The following TLN1 variants were observed in gnomAD, a reference collection of about 807,000 sequenced individuals.
TLN1 encodes talin 1.
Under a neutral mutation model 292.3 loss-of-function variants are expected in TLN1, and 56 were observed. The ratio of observed to expected loss-of-function variants is 0.19; its 90% CI spans 0.15 to 0.24. The LOEUF (loss-of-function observed/expected upper bound fraction) is 0.24. TLN1 is among the 10% of genes least tolerant of loss of function. The probability of loss-of-function intolerance (pLI) is 1.00; values close to 1 mark genes in which losing one functional copy is unlikely to be tolerated. For missense variants in TLN1, 2,433 were observed against 3,248.2 expected, an observed-to-expected ratio of 0.75 and a Z score of 6.10; for synonymous variants, 1,119 against 1,253.7, an observed-to-expected ratio of 0.89 and a Z score of 2.27.
In TLN1 at chr9:35,714,524, T is replaced by A. The variant is rs1313363183; in HGVS notation, c.2985+50A>T. ...GATTCAAACTGTGGGAGATGGAAGC[T>A]TAGAAAGGTGGGAAGGTCAGGTCAG... On this transcript the variant is annotated intron_variant, in intron 23 of 56. Coordinates refer to ENST00000314888, the MANE Select transcript of TLN1 (RefSeq NM_006289.4). The surrounding 1 kb of genome is among the most constrained non-coding windows in gnomAD (Gnocchi z 4.6). 3 of 1,595,614 alleles carry A rather than the reference T, an allele frequency of 1.9e-6. No individual in the cohort carries two copies. The highest frequency in any genetic ancestry group is 2.6e-6 in the Non-Finnish European group (3 of 1,175,602).
intron 1 of TLN1, among the ~76,000 whole-genome samples, chr9:35,726,883 T>C (rs1399072720): frequency 2.0e-5 from 3 of 152,220 alleles, no homozygotes; most frequent in Non-Finnish European, 2.9e-5. Context: ...ACTCAGTCCT[T>C]GCTTGTTCCA....
chr9:35,699,007 G>A lies in TLN1; in HGVS notation c.6999+25C>T, dbSNP rs755267372. 1 of 1,608,484 alleles carries A rather than the reference G, an allele frequency of 6.2e-7. No homozygotes were observed. The highest frequency in any genetic ancestry group is 8.5e-7 in the Non-Finnish European group (1 of 1,175,366). On this transcript the variant is annotated intron_variant, in intron 52 of 56. Coordinates refer to ENST00000314888, the MANE Select transcript of TLN1 (RefSeq NM_006289.4). This position sits in a 1 kb window ranked among gnomAD's most constrained non-coding sequence, Gnocchi z 4.0. ...GTGGGGACACTGCCATGGTGAGGGT[G>A]GAAGAGGAAGGGAGCAGGACTGACC...
At position 35,707,567 on chromosome 9, in the gene TLN1, T is replaced by TA; in HGVS notation, c.4633-80_4633-79insT. ...GGAAGTGAAGTCCAGGTCTCCTTCC[T>TA]GGGACTTACAGGATTTGGGGAGAGG... On this transcript the variant is annotated intron_variant, in intron 35 of 56. Transcript: ENST00000314888. The surrounding 1 kb of genome is among the most constrained non-coding windows in gnomAD (Gnocchi z 5.6). The TA allele has an allele frequency of 6.3e-7, 1 of 1,584,730 alleles. No homozygotes were observed. The highest frequency in any genetic ancestry group is 8.6e-7 in the Non-Finnish European group (1 of 1,161,906).
At position 35,724,427 on chromosome 9, in the gene TLN1, T is replaced by C; in HGVS notation, c.512-93A>G. 1.9e-6 allele frequency: 3 copies of C among 1,581,036 alleles called. No homozygotes were observed. In the South Asian group the frequency reaches 3.4e-5, roughly 18 times the overall value. ...TTCTGCATTTCCTACCTCCCCTCAC[T>C]TAAATGTAAGTCCCATGAGTGTAGG... is the stretch of plus-strand genomic sequence containing the variant. On this transcript the variant is annotated intron_variant, in intron 5 of 56. Coordinates refer to ENST00000314888, the MANE Select transcript of TLN1 (RefSeq NM_006289.4). This position sits in a 1 kb window ranked among gnomAD's most constrained non-coding sequence, Gnocchi z 4.7.
chr9:35,704,212 C>T lies in TLN1; in HGVS notation c.6048-38G>A, dbSNP rs377150896. Reference sequence around the variant, plus strand: ...CCAGCTTAGTCAGATCTCCCCTACCCGCTCCAGCCCGTCCAAGGTGCCTGG... The same window carrying T: ...CCAGCTTAGTCAGATCTCCCCTACCTGCTCCAGCCCGTCCAAGGTGCCTGG... On this transcript the variant is annotated intron_variant, in intron 45 of 56. Coordinates refer to ENST00000314888, the MANE Select transcript of TLN1 (RefSeq NM_006289.4). The surrounding 1 kb of genome is among the most constrained non-coding windows in gnomAD (Gnocchi z 6.9). 3.6e-5 allele frequency: 56 copies of T among 1,569,276 alleles called. 1 individual carries two copies. The highest frequency in any genetic ancestry group is 9.6e-5 in the South Asian group (8 of 83,712).
rs1825869334 is a variant in TLN1 at position 35,720,858 on chromosome 9, T to C, written c.1160A>G (p.Gln387Arg). 3.1e-6 allele frequency: 5 copies of C among 1,614,196 alleles called. No individual in the cohort carries two copies. The highest frequency in any genetic ancestry group is 3.4e-6 in the Non-Finnish European group (4 of 1,180,024). ...YYSVQTTEGE[Q>R]IAQLIAGYID... ...GTAGCCGGCAATGAGCTGTGCAATCTGCTCCCCTTCAGTTGTCTGTACTGA... is the reference window on the plus strand; with the variant it reads ...GTAGCCGGCAATGAGCTGTGCAATCCGCTCCCCTTCAGTTGTCTGTACTGA... The change falls in exon 11 of 57, where the codon CAG becomes CGG. Residue 387 changes from glutamine to arginine, a missense_variant. Transcript: ENST00000314888.
chr9:35,710,720 T>C lies in TLN1; in HGVS notation c.4204-37A>G, dbSNP rs148008785. 8.5e-4 allele frequency: 1,375 copies of C among 1,613,338 alleles called. 9 individuals carry two copies. In the African/African-American group the frequency reaches 0.015, roughly 18 times the overall value. On this transcript the variant is annotated intron_variant, in intron 32 of 56. Transcript: ENST00000314888. ...AGGACATCAGGGGAGTCAGAGCATG[T>C]CCTCAGAACCCCAGGGCAGCATCTG...
Position 35,725,236 on chromosome 9 carries a change from C to T in TLN1, c.216G>A (p.Met72Ile), listed in dbSNP as rs760233959. The T allele has an allele frequency of 6.2e-7, 1 of 1,614,124 alleles. No individual in the cohort carries two copies. Among genetic ancestry groups the T allele is most frequent in the East Asian group, 2.2e-5 (1 of 44,882 alleles). The change falls in exon 3 of 57, where the codon ATG (methionine) becomes ATA (isoleucine). Residue 72 changes from methionine (M) to isoleucine (I), a missense_variant. Physicochemically the swap from Met to Ile is conservative, Grantham distance 10 (BLOSUM62 1). Coordinates refer to ENST00000314888, the MANE Select transcript of TLN1 (RefSeq NM_006289.4). ...LEAGKALDYY[M>I]LRNGDTMEYR... Reference sequence around the variant, plus strand: ...AAAGGATACTTACCCCATTTCGGAGCATGTAGTAGTCCAAAGCTTTCCCAG... The same window carrying T: ...AAAGGATACTTACCCCATTTCGGAGTATGTAGTAGTCCAAAGCTTTCCCAG...
intron 43 of TLN1, 63 bp downstream of exon 43, chr9:35,705,488 C>T (rs1825547776): frequency 6.6e-7 from 1 of 1,511,950 alleles, no homozygotes; most frequent in Non-Finnish European, 8.8e-7. Flanking sequence ...GTGGGACAGC[C>T]CTAGACACTG....
At position 35,704,476 on chromosome 9, in the gene TLN1, A is replaced by C; in HGVS notation, c.5903T>G (p.Leu1968Arg). Residue 1968 changes from leucine to arginine, a missense_variant, in exon 45 of 57, where the codon CTC (leucine) becomes CGC (arginine). This residue lies in a region of TLN1 where 1,384 missense variants were observed against 1,699.6 expected (regional missense o/e 0.81). Coordinates refer to ENST00000314888, the MANE Select transcript of TLN1 (RefSeq NM_006289.4). This position sits in a 1 kb window ranked among gnomAD's most constrained non-coding sequence, Gnocchi z 6.9. Reference protein sequence around the residue: ...SEKVSHVLAALQAGNRGTQAC... With the variant: ...SEKVSHVLAARQAGNRGTQAC... The stretch of plus-strand genomic sequence containing the variant: ...CTGGGTGCCACGATTCCCAGCCTGG[A>C]GCGCAGCCAGGACGTGGGAGACCTG... 6.2e-7 allele frequency: 1 copy of C among 1,612,154 alleles called. No homozygotes were observed. The highest frequency in any genetic ancestry group is 8.5e-7 in the Non-Finnish European group (1 of 1,178,834).
chr9:35,717,345 G>T lies in TLN1; in HGVS notation c.2259C>A (p.Ala753=). ...VAKAVEGCVS[A]SQAATEDGQL... ...GCCCATCCTCTGTAGCTGCCTGGGA[G>T]GCAGACACACAGCCCTCCACGGCTT... Residue 753 remains alanine, a synonymous_variant, in exon 19 of 57, where the codon GCC becomes GCA. Coordinates refer to ENST00000314888, the MANE Select transcript of TLN1 (RefSeq NM_006289.4). This position sits in a 1 kb window ranked among gnomAD's most constrained non-coding sequence, Gnocchi z 4.7. 12 of 1,614,168 alleles carry T rather than the reference G, an allele frequency of 7.4e-6. No homozygotes were observed. Among genetic ancestry groups the T allele is most frequent in the Non-Finnish European group, 8.5e-6 (10 of 1,180,042 alleles).
At position 35,711,045 on chromosome 9, in the gene TLN1, A is replaced by T. The variant is rs773398422; in HGVS notation, c.4057T>A (p.Cys1353Ser). The T allele has an allele frequency of 6.2e-7, 1 of 1,614,242 alleles. No homozygotes were observed. Among genetic ancestry groups the T allele is most frequent in the Admixed American group, 1.7e-5 (1 of 60,034 alleles). ...TDSINQLITM[C>S]TQQAPGQKEC... is the part of the protein sequence containing the mutation. The stretch of plus-strand genomic sequence containing the variant: ...TTCTGGCCGGGTGCCTGCTGGGTGC[A>T]CATAGTGATGAGCTGATTGATGCTG... The change falls in exon 31 of 57, where the codon TGC (cysteine) becomes AGC (serine). Residue 1353 changes from cysteine to serine, a missense_variant. Coordinates refer to ENST00000314888, the MANE Select transcript of TLN1 (RefSeq NM_006289.4).
At chr9:35,723,829 C>A in intron 7 of TLN1, 123 bp downstream of exon 7, 1 of 1,486,772 alleles carries the variant, frequency 6.7e-7, no homozygotes, top group South Asian at 1.2e-5. Context: ...CTATGTTGGT[C>A]AAACCCTGGT....
rs190732060 is a variant in TLN1 at position 35,716,667 on chromosome 9, A to G, written c.2459-111T>C. On this transcript the variant is annotated intron_variant, in intron 19 of 56. Coordinates refer to ENST00000314888, the MANE Select transcript of TLN1 (RefSeq NM_006289.4). Reference sequence around the variant, plus strand: ...GACAAGGTAGATGGGGGCTTTAGGGACAGAAAAAGAGACTGGCAAAAGCTC... The same window carrying G: ...GACAAGGTAGATGGGGGCTTTAGGGGCAGAAAAAGAGACTGGCAAAAGCTC... 6.8e-6 allele frequency: 8 copies of G among 1,177,110 alleles called. No homozygotes were observed. The South Asian group carries it at 1.1e-4, about 16-fold the overall frequency. The allele number at this position is 1,177,110 out of a possible 1,614,324, so 72.9% of individuals were successfully genotyped here.
intron 7 of TLN1, 22 bp from the exon 8 acceptor site, chr9:35,722,943 C>G: frequency 6.2e-7 from 1 of 1,612,874 alleles, no homozygotes; most frequent in Non-Finnish European, 8.5e-7. Flanking sequence ...AAGGGAGGGT[C>G]AGCATGTGGT....
At position 35,724,044 on chromosome 9, in the gene TLN1, G is replaced by T; in HGVS notation, c.690C>A (p.Val230=). The T allele has an allele frequency of 1.2e-6, 2 of 1,614,018 alleles. No homozygotes were observed. Among genetic ancestry groups the T allele is most frequent in the Non-Finnish European group, 1.7e-6 (2 of 1,179,920 alleles). ...CAAACTCACAGGCCTTGTCAAAGGA[G>T]ACAGGGTGGGAGCCATTCAGGATGT... is the stretch of plus-strand genomic sequence containing the variant. ...RDDILNGSHP[V]SFDKACEFAG... Residue 230 remains valine, a synonymous_variant, in exon 7 of 57, where the codon GTC becomes GTA. Transcript: ENST00000314888. This position sits in a 1 kb window ranked among gnomAD's most constrained non-coding sequence, Gnocchi z 4.7.
intron 7 of TLN1, 37 bp from the exon 8 acceptor site, chr9:35,722,958 A>T: frequency 6.3e-7 from 1 of 1,599,480 alleles, no homozygotes; most frequent in Non-Finnish European, 8.6e-7. Flanking sequence ...TGTGGTAGAC[A>T]GCATCAGGGG....
intron 1 of TLN1, among the ~76,000 whole-genome samples, chr9:35,728,985 C>A (rs1213663057): frequency 6.6e-6 from 1 of 151,982 alleles, no homozygotes; most frequent in Non-Finnish European, 1.5e-5. Context: ...GAAGGGGAAC[C>A]AAAAAGTCTC....
intron 19 of TLN1, 120 bp from the exon 20 acceptor site, chr9:35,716,676 G>C: frequency 9.3e-7 from 1 of 1,079,050 alleles, no homozygotes; most frequent in African/African-American, 1.6e-5. Context: ...GACAGAAAAA[G>C]AGACTGGCAA....
Sources: allele counts gnomAD v4.1 joint callset (sites outside exome capture counted in the v4.1 genomes callset), GRCh38; gene constraint gnomAD v4.1.1; regional missense constraint gnomAD v4.1.1; non-coding constraint Gnocchi (gnomAD v3.1); transcripts MANE v1.5; gene names NCBI Gene and HGNC (gene_info 2026-07-23, HGNC 2026-07-21).